Variants in CSMD1 observed in about 807,000 individuals in gnomAD.
CSMD1 encodes the protein CUB and Sushi multiple domains 1.
A neutral mutation model predicts 417.5 loss-of-function variants in CSMD1; 213 were observed. That is an observed-to-expected ratio of 0.51 (90% CI 0.46 to 0.57). The LOEUF (loss-of-function observed/expected upper bound fraction) is 0.57, where lower values mean the gene tolerates loss of function less well. Among genes scored for constraint, CSMD1 ranks in the 20% least tolerant of loss-of-function variants. The pLI is 0.00. For synonymous variants in CSMD1, 2,862 were observed against 1,736.8 expected, an observed-to-expected ratio of 1.65 and a Z score of -16.11; for missense variants, 6,923 against 4,529.7, an observed-to-expected ratio of 1.53 and a Z score of -15.17.
At chr8:4,191,867 G>C (rs1799053030) in intron 3 of CSMD1, among the ~76,000 whole-genome samples, 1 of 151,936 alleles carries the variant, frequency 6.6e-6, no homozygotes, top group African/African-American at 2.4e-5. Context: ...CCAGACCTCA[G>C]CAACATCAAA....
intron 3 of CSMD1, among the ~76,000 whole-genome samples, chr8:4,117,160 G>A (rs867908699): frequency 1.3e-5 from 2 of 151,764 alleles, no homozygotes; most frequent in Non-Finnish European, 2.9e-5. Context: ...ACACGTCCTC[G>A]AATTATCTGA....
At chr8:3,956,701 T>C (rs906198573) in intron 5 of CSMD1, among the ~76,000 whole-genome samples, 7 of 152,126 alleles carry the variant, frequency 4.6e-5, no homozygotes, top group Admixed American at 4.6e-4. Flanking sequence ...GAACCTATAT[T>C]TGAAACCCTA....
chr8:4,291,188 C>A (rs1455576379), intron 3 of CSMD1, among the ~76,000 whole-genome samples: 1 of 151,876 alleles, frequency 6.6e-6, no homozygotes, highest in Non-Finnish European at 1.5e-5. Context: ...CATAATTATA[C>A]ATTATTGGTA....
chr8:3,353,735 CTATT>C (rs1330542380), intron 21 of CSMD1, among the ~76,000 whole-genome samples: 1 of 148,064 alleles, frequency 6.8e-6, no homozygotes, highest in Non-Finnish European at 1.5e-5. Flanking sequence ...TTTCAATAGT[CTATT>C]TAATACTAAT....
At chr8:3,626,578 C>G (rs1256223328) in intron 7 of CSMD1, among the ~76,000 whole-genome samples, 1 of 151,436 alleles carries the variant, frequency 6.6e-6, no homozygotes, top group East Asian at 1.9e-4. Context: ...ATTTGTCATT[C>G]CCTAGATTTA....
chr8:3,763,447 G>C (rs973591610), intron 5 of CSMD1, among the ~76,000 whole-genome samples: 2 of 151,902 alleles, frequency 1.3e-5, no homozygotes, highest in Non-Finnish European at 2.9e-5. Flanking sequence ...AAAGAGCCTA[G>C]CACTCCCCCC....
intron 1 of CSMD1, among the ~76,000 whole-genome samples, chr8:4,709,276 G>C (rs1457455593): frequency 6.6e-6 from 1 of 152,144 alleles, no homozygotes; most frequent in African/African-American, 2.4e-5. Flanking sequence ...ATGACTCCTT[G>C]GCTAACTGCA....
chr8:4,103,165 G>C (rs1186009300), intron 3 of CSMD1, among the ~76,000 whole-genome samples: 4 of 152,012 alleles, frequency 2.6e-5, no homozygotes, highest in Admixed American at 2.0e-4. Flanking sequence ...CTGTGAGCCA[G>C]TCAGCACAAA....
At chr8:4,735,246 A>G (rs1246065696) in intron 1 of CSMD1, among the ~76,000 whole-genome samples, 1 of 152,182 alleles carries the variant, frequency 6.6e-6, no homozygotes, top group Non-Finnish European at 1.5e-5. Flanking sequence ...GAGTCATCTC[A>G]GCACTGAAAA....
intron 3 of CSMD1, among the ~76,000 whole-genome samples, chr8:4,179,563 A>G (rs75013274): frequency 6.7e-6 from 1 of 149,214 alleles, no homozygotes; most frequent in Non-Finnish European, 1.5e-5. Context: ...ACAACAAAAG[A>G]CAAAATTGAC....
intron 5 of CSMD1, among the ~76,000 whole-genome samples, chr8:3,994,424 G>T (rs1261560377): frequency 7.2e-6 from 1 of 138,264 alleles, no homozygotes; most frequent in Non-Finnish European, 1.5e-5. Context: ...ACAAGTTATA[G>T]GCTACACCAT....
At chr8:4,176,609 C>T (rs777882782) in intron 3 of CSMD1, among the ~76,000 whole-genome samples, 2 of 27,958 alleles carry the variant, frequency 7.2e-5, no homozygotes, top group Non-Finnish European at 1.5e-4. Flanking sequence ...GTAGGAAATT[C>T]TAATCCATAA....
chr8:3,173,671 G>C lies in CSMD1; in HGVS notation c.5725+7439C>G, dbSNP rs577681154. ...CCTCTGTTGGAGGTAGTAAGCTCTC[G>C]TCTCAGTGCACAGAATGAAATCTCT... On this transcript the variant is annotated intron_variant, in intron 37 of 69. Transcript: ENST00000635120. Among the ~76,000 whole-genome samples, 4 of 152,250 alleles carry C rather than the reference G, an allele frequency of 2.6e-5. No individual in the cohort carries two copies. The East Asian group carries it at 5.8e-4, about 22-fold the overall frequency.
chr8:4,245,959 T>G (rs905372106), intron 3 of CSMD1, among the ~76,000 whole-genome samples: 1 of 152,184 alleles, frequency 6.6e-6, no homozygotes, highest in African/African-American at 2.4e-5. Flanking sequence ...AACAATACAA[T>G]CTATCAGGGC....
intron 7 of CSMD1, among the ~76,000 whole-genome samples, chr8:3,680,931 CA>C (rs1284517413): frequency 1.3e-5 from 2 of 152,276 alleles, no homozygotes; most frequent in East Asian, 1.9e-4. Flanking sequence ...GAACCAATGA[CA>C]AAAACCACAT....
chr8:4,964,718 C>A (rs368930626), intron 1 of CSMD1, among the ~76,000 whole-genome samples: 41 of 152,096 alleles, frequency 2.7e-4, no homozygotes, highest in African/African-American at 9.6e-4. Flanking sequence ...GGTCACTAAG[C>A]CAAACTGAAA....
At chr8:4,050,669 C>T (rs72624070) in intron 3 of CSMD1, among the ~76,000 whole-genome samples, 17,506 of 151,790 alleles carry the variant, frequency 0.12, 1,550 homozygotes, top group East Asian at 0.35. Context: ...TTTTTTTGGA[C>T]CCATTACACA....
At chr8:3,581,564 A>T (rs139437555) in intron 9 of CSMD1, among the ~76,000 whole-genome samples, 1 of 152,288 alleles carries the variant, frequency 6.6e-6, no homozygotes, top group East Asian at 1.9e-4. Context: ...AGGCATGATC[A>T]TTACTTCAGA....
intron 3 of CSMD1, among the ~76,000 whole-genome samples, chr8:4,119,969 A>C (rs13264225): frequency 2.2e-3 from 332 of 152,320 alleles, no homozygotes; most frequent in Middle Eastern, 6.8e-3. Flanking sequence ...TTAGTTTAAA[A>C]GAATGAATAA....
Sources: allele counts gnomAD v4.1 joint callset (sites outside exome capture counted in the v4.1 genomes callset), GRCh38; gene constraint gnomAD v4.1.1; transcripts MANE v1.5; gene names NCBI Gene and HGNC (gene_info 2026-07-23, HGNC 2026-07-21).